DENND6A: variants seen among roughly 807,000 people sequenced by gnomAD.
DENND6A encodes DENN domain containing 6A, also known as protein DENND6A.
DENND6A carries 43 observed loss-of-function variants against 95.5 expected under a neutral mutation model. That is an observed-to-expected ratio of 0.45 (90% CI 0.35 to 0.58). The LOEUF (loss-of-function observed/expected upper bound fraction) is 0.58, where lower values mean the gene tolerates loss of function less well. DENND6A is among the 20% of genes least tolerant of loss of function. DENND6A has a pLI of 0.00. For missense variants in DENND6A, 574 were observed against 736.0 expected, an observed-to-expected ratio of 0.78 and a Z score of 2.55; for synonymous variants, 257 against 260.4, an observed-to-expected ratio of 0.99 and a Z score of 0.13.
intron 18 of DENND6A, 33 bp downstream of exon 18, chr3:57,630,388 G>A (rs368732887): frequency 2.6e-6 from 4 of 1,520,242 alleles, no homozygotes; most frequent in East Asian, 4.6e-5. Context: ...TTCAACAGTT[G>A]TTAATCATTA....
intron 1 of DENND6A, 148 bp from the exon 2 acceptor site, chr3:57,672,586 C>T: frequency 1.4e-6 from 1 of 724,418 alleles, no homozygotes. Flanking sequence ...TGTTTAAGAC[C>T]AACCTGGCCA....
rs1232036345 is a variant in DENND6A at position 57,631,877 on chromosome 3, C to T, written c.1354-899G>A. 4.0e-5 allele frequency among the ~76,000 whole-genome samples: 6 copies of T among 151,212 alleles called. No homozygotes were observed. In the East Asian group the frequency reaches 1.2e-3, roughly 30 times the overall value. Reference sequence around the variant, plus strand: ...AGCTGGGATTACAGGCGCCCACCACCACGCCCGGCTAATTTTTTGTATTTT... The same window carrying T: ...AGCTGGGATTACAGGCGCCCACCACTACGCCCGGCTAATTTTTTGTATTTT... On this transcript the variant is annotated intron_variant, in intron 15 of 19. Coordinates refer to ENST00000311128, the MANE Select transcript of DENND6A (RefSeq NM_152678.3).
At chr3:57,685,146 C>T (rs772331572) in intron 1 of DENND6A, among the ~76,000 whole-genome samples, 1 of 151,176 alleles carries the variant, frequency 6.6e-6, no homozygotes, top group Non-Finnish European at 1.5e-5. Context: ...TAGTCTCGAA[C>T]TCCTGACCTC....
chr3:57,679,597 T>C (rs2077141958), intron 1 of DENND6A: 1 of 977,352 alleles, frequency 1.0e-6, no homozygotes, highest in African/African-American at 1.8e-5. Flanking sequence ...GTTTTGGTCC[T>C]AATTAGATGT....
intron 1 of DENND6A, 72 bp downstream of exon 1, chr3:57,692,710 G>A (rs543303807): frequency 4.5e-6 from 6 of 1,331,310 alleles, no homozygotes; most frequent in Non-Finnish European, 4.9e-6. Context: ...GTCAGCCCGC[G>A]GGCCGCTGGC....
chr3:57,627,048 A>T lies in DENND6A; in HGVS notation c.*1166T>A, dbSNP rs2070546488. 1 of 152,230 alleles carries T rather than the reference A, an allele frequency of 6.6e-6. No individual in the cohort carries two copies. Among genetic ancestry groups the T allele is most frequent in the Non-Finnish European group, 1.5e-5 (1 of 68,046 alleles). 9.4% of individuals were successfully genotyped at this position (152,230 alleles called of 1,614,324 possible). A position where few individuals can be genotyped will look rare whatever the true frequency, so the allele number is the denominator to read the frequency against. On this transcript the variant is annotated 3_prime_UTR_variant, in exon 20 of 20. Coordinates refer to ENST00000311128, the MANE Select transcript of DENND6A (RefSeq NM_152678.3). ...GAAATAAGAATAGTTCAGTTTAAAAAAATAGCTGATTATGAGATTTATAAT... is the reference window on the plus strand; with the variant it reads ...GAAATAAGAATAGTTCAGTTTAAAATAATAGCTGATTATGAGATTTATAAT...
intron 18 of DENND6A, among the ~76,000 whole-genome samples, chr3:57,629,678 ATTT>A (rs1208541846): frequency 7.3e-6 from 1 of 136,486 alleles, no homozygotes; most frequent in Non-Finnish European, 1.6e-5. Flanking sequence ...CGCCCGGCTA[ATTT>A]TTTTTTTTTT....
At chr3:57,634,496 G>C in intron 14 of DENND6A, 62 bp downstream of exon 14, 1 of 927,422 alleles carries the variant, frequency 1.1e-6, no homozygotes, top group South Asian at 2.7e-5. Flanking sequence ...GACATATTGC[G>C]TAACTGGATA....
intron 1 of DENND6A, among the ~76,000 whole-genome samples, chr3:57,673,481 TTAGA>T (rs1294810939): frequency 6.6e-6 from 1 of 151,946 alleles, no homozygotes; most frequent in Non-Finnish European, 1.5e-5. Flanking sequence ...AAAAATACAA[TTAGA>T]TAGAAGGAAT....
At chr3:57,666,032 A>G (rs1447278718) in intron 4 of DENND6A, 91 bp downstream of exon 4, 1 of 1,107,516 alleles carries the variant, frequency 9.0e-7, no homozygotes, top group Non-Finnish European at 1.3e-6. Context: ...AACAAAAGCA[A>G]AATATTTCTG....
intron 12 of DENND6A, among the ~76,000 whole-genome samples, chr3:57,640,941 T>C (rs1183371515): frequency 6.6e-6 from 1 of 151,996 alleles, no homozygotes; most frequent in Non-Finnish European, 1.5e-5. Flanking sequence ...AACAAGGTAC[T>C]GTATGTCTTT....
chr3:57,635,797 G>C (rs181138570), intron 12 of DENND6A, among the ~76,000 whole-genome samples: 22 of 152,234 alleles, frequency 1.4e-4, no homozygotes, highest in African/African-American at 4.8e-4. Context: ...ACATTGAACA[G>C]CATGGGTTTA....
At chr3:57,652,335 T>G (rs1332653693) in intron 9 of DENND6A, among the ~76,000 whole-genome samples, 6 of 152,124 alleles carry the variant, frequency 3.9e-5, no homozygotes, top group South Asian at 2.1e-4. Flanking sequence ...GGCTGAGACC[T>G]CCTAACAACA....
chr3:57,648,942 C>G (rs1184259335), intron 9 of DENND6A, among the ~76,000 whole-genome samples: 1 of 152,116 alleles, frequency 6.6e-6, no homozygotes, highest in Admixed American at 6.5e-5. Context: ...AAAAACCCAT[C>G]CAGGCATAAA....
chr3:57,666,991 A>C (rs1481164731), intron 3 of DENND6A, among the ~76,000 whole-genome samples: 1 of 152,250 alleles, frequency 6.6e-6, no homozygotes, highest in Admixed American at 6.5e-5. Context: ...ATGGAAATTG[A>C]CTTTTTCTTT....
At chr3:57,629,929 A>T (rs1346538819) in intron 18 of DENND6A, among the ~76,000 whole-genome samples, 1 of 152,164 alleles carries the variant, frequency 6.6e-6, no homozygotes, top group Admixed American at 6.6e-5. Flanking sequence ...TCTACCCAGT[A>T]ATGTGCTGGT....
chr3:57,647,593 G>A (rs766219916), intron 9 of DENND6A, among the ~76,000 whole-genome samples: 1 of 152,184 alleles, frequency 6.6e-6, no homozygotes, highest in Admixed American at 6.5e-5. Context: ...CTGATGAGTA[G>A]CATCAAAGAC....
Position 57,681,780 on chromosome 3 carries a change from C to T in DENND6A, c.238-9342G>A, listed in dbSNP as rs117992943. On this transcript the variant is annotated intron_variant, in intron 1 of 19. Transcript: ENST00000311128. ...ATATACATACTATGACATGGATGAA[C>T]GTATATGATTCCACTCCCATGAAAA... 2.6e-5 allele frequency among the ~76,000 whole-genome samples: 4 copies of T among 152,014 alleles called. No individual in the cohort carries two copies. In the East Asian group the frequency reaches 5.8e-4, roughly 22 times the overall value.
intron 3 of DENND6A, among the ~76,000 whole-genome samples, chr3:57,667,311 T>C (rs946499597): frequency 6.6e-6 from 1 of 151,982 alleles, no homozygotes; most frequent in Non-Finnish European, 1.5e-5. Flanking sequence ...TAAGCCACTG[T>C]GCCTGGCCTT....
Sources: allele counts gnomAD v4.1 joint callset (sites outside exome capture counted in the v4.1 genomes callset), GRCh38; gene constraint gnomAD v4.1.1; transcripts MANE v1.5; gene names NCBI Gene and HGNC (gene_info 2026-07-23, HGNC 2026-07-21).